The following GALNT13 variants were observed in gnomAD, a reference collection of about 807,000 sequenced individuals.
The protein encoded by GALNT13 is UDP-GalNAc:polypeptide N-acetylgalactosaminyltransferase 13.
Under a neutral mutation model 64.2 loss-of-function variants are expected in GALNT13, and 28 were observed. That is an observed-to-expected ratio of 0.44 (90% CI 0.32 to 0.60). The LOEUF is 0.60. Ranked by LOEUF, GALNT13 falls within the 20% of genes least tolerant of loss-of-function variation. The pLI, the probability that GALNT13 is intolerant of heterozygous loss-of-function variation, is 0.05. For synonymous variants in GALNT13, 214 were observed against 224.6 expected (o/e 0.95, Z 0.42); for missense variants, 577 against 669.8 (o/e 0.86, Z 1.53).
At chr2:153,149,946 G>A in the GALNT13 span, among the ~76,000 whole-genome samples, 2 of 151,726 alleles carry the variant, frequency 1.3e-5, no homozygotes, top group East Asian at 3.9e-4. Flanking sequence ...TGAAAATAAT[G>A]TCTTTGAGGC....
At chr2:153,933,429 A>C (rs898833440) in intron 2 of GALNT13, among the ~76,000 whole-genome samples, 1 of 152,164 alleles carries the variant, frequency 6.6e-6, no homozygotes, top group East Asian at 1.9e-4. Flanking sequence ...ATTATTGTCC[A>C]TACCTTTACT....
chr2:153,902,005 G>A (rs942155865), intron 2 of GALNT13, among the ~76,000 whole-genome samples: 1 of 152,124 alleles, frequency 6.6e-6, no homozygotes, highest in South Asian at 2.1e-4. Context: ...CTTCAGATGT[G>A]TAGTGTTCAT....
intron 4 of GALNT13, among the ~76,000 whole-genome samples, chr2:154,174,679 A>G (rs983440918): frequency 6.6e-6 from 1 of 152,166 alleles, no homozygotes; most frequent in African/African-American, 2.4e-5. Flanking sequence ...CTATGTAAGG[A>G]TATACAGGAA....
chr2:154,446,635 A>G (rs1312680527), intron 12 of GALNT13: 15 of 1,548,798 alleles, frequency 9.7e-6, no homozygotes, highest in Non-Finnish European at 8.7e-7. Flanking sequence ...GATGGCTCCC[A>G]GCATCCTACT....
the GALNT13 span, among the ~76,000 whole-genome samples, chr2:153,324,657 T>C: frequency 6.6e-6 from 1 of 152,214 alleles, no homozygotes; most frequent in Admixed American, 6.5e-5. Flanking sequence ...ATATGTCCCA[T>C]TAATACCTAC....
chr2:154,080,407 G>A (rs1701213689), intron 3 of GALNT13, among the ~76,000 whole-genome samples: 1 of 151,596 alleles, frequency 6.6e-6, no homozygotes, highest in African/African-American at 2.4e-5. Context: ...AGTAAATAAA[G>A]GGAGTACAAA....
At chr2:153,286,363 A>G in the GALNT13 span, among the ~76,000 whole-genome samples, 1 of 152,200 alleles carries the variant, frequency 6.6e-6, no homozygotes, top group Non-Finnish European at 1.5e-5. Flanking sequence ...TGAGACAACA[A>G]TCACAGAAAA....
the GALNT13 span, among the ~76,000 whole-genome samples, chr2:153,606,887 G>C: frequency 6.8e-6 from 1 of 148,046 alleles, no homozygotes; most frequent in African/African-American, 2.5e-5. Flanking sequence ...TTTTTTCGTG[G>C]ACACTTTCCT....
chr2:154,028,160 T>A (rs982930404), intron 3 of GALNT13, among the ~76,000 whole-genome samples: 49 of 152,282 alleles, frequency 3.2e-4, no homozygotes, highest in African/African-American at 1.1e-3. Flanking sequence ...AAAGGAAATG[T>A]TGACACTGTC....
chr2:153,381,950 G>A, the GALNT13 span, among the ~76,000 whole-genome samples: 1 of 152,074 alleles, frequency 6.6e-6, no homozygotes, highest in Non-Finnish European at 1.5e-5. Context: ...TTTCATTCCA[G>A]TGAGATTGTA....
intron 3 of GALNT13, among the ~76,000 whole-genome samples, chr2:154,094,560 A>G (rs1212172125): frequency 6.6e-6 from 1 of 151,982 alleles, no homozygotes; most frequent in African/African-American, 2.4e-5. Flanking sequence ...AAAAATTAAG[A>G]TTTACCATTT....
At chr2:153,564,204 T>TA in the GALNT13 span, among the ~76,000 whole-genome samples, 1 of 121,294 alleles carries the variant, frequency 8.2e-6, no homozygotes, top group South Asian at 2.9e-4. Flanking sequence ...ATATATATAT[T>TA]TTTTTTACTA....
chr2:154,333,091 C>T (rs1317826496), intron 9 of GALNT13, among the ~76,000 whole-genome samples: 1 of 151,908 alleles, frequency 6.6e-6, no homozygotes, highest in Non-Finnish European at 1.5e-5. Flanking sequence ...AGCCTACCTT[C>T]CCCCCAATTA....
chr2:154,176,447 T>A (rs1685659981), intron 4 of GALNT13, among the ~76,000 whole-genome samples: 1 of 151,358 alleles, frequency 6.6e-6, no homozygotes, highest in Non-Finnish European at 1.5e-5. Flanking sequence ...AGAGACGGGG[T>A]TTCACCGTGC....
the GALNT13 span, among the ~76,000 whole-genome samples, chr2:153,225,551 T>C: frequency 6.6e-6 from 1 of 152,140 alleles, no homozygotes; most frequent in African/African-American, 2.4e-5. Context: ...ATAAAGTTTA[T>C]TTTCAGATGA....
At chr2:153,755,394 C>T in the GALNT13 span, among the ~76,000 whole-genome samples, 10 of 152,024 alleles carry the variant, frequency 6.6e-5, no homozygotes, top group Admixed American at 2.0e-4. Context: ...TTCCCATTTG[C>T]CCACATCCTG....
At chr2:153,261,828 C>A in the GALNT13 span, among the ~76,000 whole-genome samples, 5 of 152,050 alleles carry the variant, frequency 3.3e-5, no homozygotes, top group Admixed American at 6.6e-5. Context: ...GAGTCTCTTC[C>A]CGTGGCCACC....
chr2:153,276,204 CTA>C, the GALNT13 span, among the ~76,000 whole-genome samples: 1 of 152,056 alleles, frequency 6.6e-6, no homozygotes, highest in Non-Finnish European at 1.5e-5. Flanking sequence ...CTATTACACA[CTA>C]TGCTTTTGTT....
At chr2:153,381,813 T>G in the GALNT13 span, among the ~76,000 whole-genome samples, 5 of 152,244 alleles carry the variant, frequency 3.3e-5, no homozygotes, top group East Asian at 1.9e-4. Context: ...GGCACCCACT[T>G]GAAGCCAGTA....
Sources: gnomAD v4.1 joint callset for allele counts (sites outside exome capture counted in the v4.1 genomes callset) on GRCh38, gnomAD v4.1.1 for gene constraint, MANE v1.5 for transcripts, NCBI Gene and HGNC (gene_info 2026-07-23, HGNC 2026-07-21) for gene names.